The following PRKN variants were observed in gnomAD, a reference collection of about 807,000 sequenced individuals.
PRKN encodes the protein parkin RBR E3 ubiquitin protein ligase.
PRKN carries 56 observed loss-of-function variants against 59.5 expected under a neutral mutation model. The ratio of observed to expected loss-of-function variants is 0.94; its 90% confidence interval spans 0.76 to 1.18. The LOEUF (loss-of-function observed/expected upper bound fraction) is 1.18. Ranked by LOEUF, PRKN falls within the 50% of genes most tolerant of loss-of-function variation. The probability of loss-of-function intolerance (pLI) is 0.00; values close to 1 mark genes in which losing one functional copy is unlikely to be tolerated. For missense variants in PRKN, 657 were observed against 596.4 expected, an observed-to-expected ratio of 1.10 and a Z score of -1.06; for synonymous variants, 250 against 222.1, an observed-to-expected ratio of 1.13 and a Z score of -1.12.
chr6:162,469,372 A>C (rs2128177402), intron 1 of PRKN, among the ~76,000 whole-genome samples: 1 of 149,988 alleles, frequency 6.7e-6, no homozygotes, highest in Non-Finnish European at 1.5e-5. Context: ...GTGACAGAGG[A>C]AGTCATTCTA....
rs73608413 is a variant in PRKN at position 162,493,802 on chromosome 6, C to T, written c.8-50329G>A. 1.7e-3 allele frequency among the ~76,000 whole-genome samples: 257 copies of T among 152,290 alleles called. 3 individuals are homozygous for T. The highest frequency in any genetic ancestry group is 6.0e-3 in the African/African-American group (249 of 41,556). On this transcript the variant is annotated intron_variant, in intron 1 of 11. Coordinates refer to ENST00000366898, the MANE Select transcript of PRKN (RefSeq NM_004562.3). The stretch of plus-strand genomic sequence containing the variant: ...CACTGATAACCCCACACCATCTCAA[C>T]GAAGCTAAATAAAGATGGAGAAGAA...
At chr6:161,926,412 T>C (rs533554052) in intron 6 of PRKN, among the ~76,000 whole-genome samples, 3 of 152,330 alleles carry the variant, frequency 2.0e-5, no homozygotes, top group South Asian at 4.1e-4. Flanking sequence ...TCACTTGACT[T>C]ACCCTCCAAG....
At chr6:161,733,783 A>AAAAATATATATATATATATATATAT (rs35360887) in intron 7 of PRKN, among the ~76,000 whole-genome samples, 1 of 86,228 alleles carries the variant, frequency 1.2e-5, no homozygotes, top group African/African-American at 8.8e-5. Flanking sequence ...AAAAAAAAAA[A>AAAAATATATATATATATATATATAT]ATATATATAT....
intron 4 of PRKN, among the ~76,000 whole-genome samples, chr6:162,136,946 T>C (rs1451097451): frequency 6.6e-6 from 1 of 151,768 alleles, no homozygotes; most frequent in Non-Finnish European, 1.5e-5. Flanking sequence ...TTTGTAAGTA[T>C]AAAAATATTT....
At chr6:162,710,578 G>C (rs1778500041) in intron 1 of PRKN, among the ~76,000 whole-genome samples, 1 of 152,054 alleles carries the variant, frequency 6.6e-6, no homozygotes, top group South Asian at 2.1e-4. Context: ...TGCCCTCTGG[G>C]CTTATTCAAT....
At chr6:161,662,334 C>T (rs563256812) in intron 7 of PRKN, among the ~76,000 whole-genome samples, 1 of 152,280 alleles carries the variant, frequency 6.6e-6, no homozygotes, top group East Asian at 1.9e-4. Flanking sequence ...TTCACCCACT[C>T]GGCTGAACTT....
chr6:162,700,928 T>C (rs773489791), intron 1 of PRKN, among the ~76,000 whole-genome samples: 5 of 152,140 alleles, frequency 3.3e-5, no homozygotes, highest in Non-Finnish European at 7.4e-5. Context: ...CTTTACCTCA[T>C]GACATACTTT....
chr6:162,394,124 G>A (rs747548132), intron 2 of PRKN, among the ~76,000 whole-genome samples: 16 of 151,984 alleles, frequency 1.1e-4, no homozygotes, highest in Non-Finnish European at 1.5e-4. Context: ...AAACATTTAC[G>A]TATTTGAGAA....
At position 162,183,580 on chromosome 6, in the gene PRKN, A is replaced by G. The variant is rs537319559; in HGVS notation, c.534+17551T>C. Among the ~76,000 whole-genome samples, 31 of 152,296 alleles carry G rather than the reference A, an allele frequency of 2.0e-4. No individual in the cohort carries two copies. In the South Asian group the frequency reaches 6.0e-3, roughly 30 times the overall value. On this transcript the variant is annotated intron_variant, in intron 4 of 11. Transcript: ENST00000366898. ...TAAAAATCAAAGATTTGTGGTTCCA[A>G]AATTATATGCCAAAGTATACATCTT...
intron 7 of PRKN, among the ~76,000 whole-genome samples, chr6:161,698,508 T>C (rs1583022078): frequency 1.3e-5 from 2 of 152,250 alleles, no homozygotes; most frequent in East Asian, 1.9e-4. Flanking sequence ...ACTTAGAATA[T>C]GTAAACTGTT....
At chr6:162,230,726 C>T (rs995505962) in intron 3 of PRKN, among the ~76,000 whole-genome samples, 1 of 152,184 alleles carries the variant, frequency 6.6e-6, no homozygotes, top group Non-Finnish European at 1.5e-5. Context: ...GCTTTGCTGT[C>T]ATGCCAATGA....
intron 1 of PRKN, among the ~76,000 whole-genome samples, chr6:162,692,616 G>A (rs551179209): frequency 2.8e-3 from 414 of 149,434 alleles, no homozygotes; most frequent in African/African-American, 9.1e-3. Flanking sequence ...GTGACCCTCC[G>A]GGTTGACAAT....
chr6:162,103,473 G>A (rs1242013428), intron 4 of PRKN, among the ~76,000 whole-genome samples: 1 of 152,090 alleles, frequency 6.6e-6, no homozygotes, highest in Admixed American at 6.6e-5. Context: ...CTTAATAATA[G>A]TCCATAACTT....
chr6:162,171,914 T>C (rs974659635), intron 4 of PRKN, among the ~76,000 whole-genome samples: 4 of 152,176 alleles, frequency 2.6e-5, no homozygotes, highest in Non-Finnish European at 4.4e-5. Flanking sequence ...TGTTAAATCA[T>C]TACTGATGAT....
At chr6:162,663,836 G>A (rs1033748548) in intron 1 of PRKN, among the ~76,000 whole-genome samples, 8 of 151,866 alleles carry the variant, frequency 5.3e-5, no homozygotes, top group Admixed American at 5.2e-4. Flanking sequence ...GAATGTAGCT[G>A]AATTCAGTTA....
intron 7 of PRKN, among the ~76,000 whole-genome samples, chr6:161,611,752 G>A (rs551342755): frequency 2.6e-5 from 4 of 152,344 alleles, no homozygotes; most frequent in Admixed American, 2.0e-4. Flanking sequence ...GAAAGGAAGA[G>A]TCACACAACT....
chr6:161,750,826 T>A (rs991512004), intron 7 of PRKN, among the ~76,000 whole-genome samples: 3 of 150,808 alleles, frequency 2.0e-5, no homozygotes, highest in Non-Finnish European at 4.4e-5. Flanking sequence ...AATAGATGAA[T>A]CAATAAGTCT....
chr6:162,074,931 GA>G (rs1282473689), intron 4 of PRKN, among the ~76,000 whole-genome samples: 1 of 152,170 alleles, frequency 6.6e-6, no homozygotes, highest in Non-Finnish European at 1.5e-5. Flanking sequence ...AAACAGCAGT[GA>G]TTTTTTTTGT....
At chr6:161,641,569 T>C (rs1403132170) in intron 7 of PRKN, among the ~76,000 whole-genome samples, 1 of 152,172 alleles carries the variant, frequency 6.6e-6, no homozygotes, top group African/African-American at 2.4e-5. Context: ...AGAGTAATAA[T>C]AAAACTCTGG....
Sources: allele counts gnomAD v4.1 joint callset (sites outside exome capture counted in the v4.1 genomes callset), GRCh38; gene constraint gnomAD v4.1.1; transcripts MANE v1.5; gene names NCBI Gene and HGNC (gene_info 2026-07-23, HGNC 2026-07-21).